Variants in RETSAT observed in about 807,000 individuals in gnomAD.
RETSAT encodes retinol saturase, also known as all-trans-retinol 13,14-reductase.
Under a neutral mutation model 61.6 loss-of-function variants are expected in RETSAT, and 35 were observed. The observed-to-expected ratio is 0.57, with a 90% CI of 0.43 to 0.75. The LOEUF is 0.75. Ranked by LOEUF, RETSAT falls within the 30% of genes least tolerant of loss-of-function variation. The pLI is 0.00. For synonymous variants in RETSAT, 277 were observed against 310.4 expected, an observed-to-expected ratio of 0.89 and a Z score of 1.13; for missense variants, 670 against 759.5, an observed-to-expected ratio of 0.88 and a Z score of 1.38.
rs769944538 is a variant in RETSAT at position 85,344,106 on chromosome 2, C to T, written c.1426G>A (p.Ala476Thr). ...TAYEWFEEWQ[A>T]ELKGKRGSDY... Reference sequence around the variant, plus strand: ...CTGCCCCGCTTTCCCTTCAGCTCCGCCTGCCACTCCTCAAACCACTCGTAG... The same window carrying T: ...CTGCCCCGCTTTCCCTTCAGCTCCGTCTGCCACTCCTCAAACCACTCGTAG... The change falls in exon 9 of 11, where the codon GCG becomes ACG. Residue 476 changes from alanine (A) to threonine (T), a missense_variant. Physicochemically the swap from Ala to Thr is moderately conservative, Grantham distance 58. Transcript: ENST00000295802. The T allele has an allele frequency of 2.1e-5, 34 of 1,614,024 alleles. No individual in the cohort carries two copies. Among genetic ancestry groups the T allele is most frequent in the Non-Finnish European group, 2.6e-5 (31 of 1,180,024 alleles).
intron 7 of RETSAT, 74 bp downstream of exon 7, chr2:85,344,520 C>T (rs1573061597): frequency 1.9e-6 from 3 of 1,575,472 alleles, no homozygotes; most frequent in Non-Finnish European, 2.6e-6. Context: ...CCTCCCATTC[C>T]ATAACCTCTG....
At chr2:85,350,266 G>C in intron 3 of RETSAT, 25 bp from the exon 4 acceptor site, 1 of 1,582,784 alleles carries the variant, frequency 6.3e-7, no homozygotes, top group Non-Finnish European at 8.7e-7. Flanking sequence ...GAGGACAGCA[G>C]GCCTCACCTC....
intron 7 of RETSAT, 39 bp from the exon 8 acceptor site, chr2:85,344,387 T>C: frequency 6.2e-7 from 1 of 1,602,362 alleles, no homozygotes; most frequent in Non-Finnish European, 8.5e-7. Flanking sequence ...TCCAGGTTTT[T>C]GTCCTCAAAA....
intron 5 of RETSAT, among the ~76,000 whole-genome samples, chr2:85,348,630 CAAAAAAAA>C (rs11400450): frequency 3.2e-4 from 14 of 43,930 alleles, no homozygotes; most frequent in African/African-American, 8.7e-4. Flanking sequence ...GACTCCAACT[CAAAAAAAA>C]AAAAAAAAAA....
intron 5 of RETSAT, among the ~76,000 whole-genome samples, chr2:85,348,939 C>T (rs1051340183): frequency 1.3e-5 from 2 of 151,416 alleles, no homozygotes; most frequent in African/African-American, 2.4e-5. Context: ...TTAGTAGAGA[C>T]GGGGTTTCAC....
rs1683304685 is a variant in RETSAT at position 85,351,853 on chromosome 2, G to A, written c.182C>T (p.Ala61Val). 1 of 1,613,288 alleles carries A rather than the reference G, an allele frequency of 6.2e-7. No individual in the cohort carries two copies. The highest frequency in any genetic ancestry group is 1.3e-5 in the African/African-American group (1 of 74,906). The change falls in exon 2 of 11, where the codon GCC (alanine) becomes GTC (valine). Residue 61 changes from alanine to valine, a missense_variant. Physicochemically the swap from Ala to Val is moderately conservative, Grantham distance 64. Coordinates refer to ENST00000295802, the MANE Select transcript of RETSAT (RefSeq NM_017750.4). ...RKKVLKQAFS[A>V]NQVPEKLDVV... is the part of the protein sequence containing the mutation. Reference sequence around the variant, plus strand: ...ATCCAGCTTCTCCGGCACTTGGTTGGCTGAAAAAGCTACAGCAGAAGGGCC... The same window carrying A: ...ATCCAGCTTCTCCGGCACTTGGTTGACTGAAAAAGCTACAGCAGAAGGGCC...
chr2:85,344,405 A>G (rs1409367749), intron 7 of RETSAT, 57 bp from the exon 8 acceptor site: 1 of 1,579,582 alleles, frequency 6.3e-7, no homozygotes, highest in African/African-American at 1.3e-5. Context: ...AAACCCCAGA[A>G]CCACTGCAAG....
intron 5 of RETSAT, among the ~76,000 whole-genome samples, chr2:85,348,805 C>T (rs796705495): frequency 1.3e-5 from 2 of 150,262 alleles, no homozygotes; most frequent in East Asian, 2.0e-4. Context: ...GGCCGGAGTG[C>T]GGTGGCGTGA....
chr2:85,344,817 C>T, intron 6 of RETSAT, 85 bp from the exon 7 acceptor site: 1 of 1,475,742 alleles, frequency 6.8e-7, no homozygotes, highest in Non-Finnish European at 9.2e-7. Flanking sequence ...GGGGTGCCAG[C>T]TCTGGCACCT....
chr2:85,352,763 T>G (rs1352211167), intron 1 of RETSAT, among the ~76,000 whole-genome samples: 1 of 152,178 alleles, frequency 6.6e-6, no homozygotes, highest in Non-Finnish European at 1.5e-5. Context: ...TTCCAGGTCC[T>G]GATGAAAAGG....
chr2:85,350,025 A>C lies in RETSAT; in HGVS notation c.799+15T>G. The C allele has an allele frequency of 1.2e-6, 2 of 1,611,606 alleles. No homozygotes were observed. Among genetic ancestry groups the C allele is most frequent in the Non-Finnish European group, 8.5e-7 (1 of 1,178,842 alleles). On this transcript the variant is annotated intron_variant, in intron 4 of 10. Transcript: ENST00000295802. The stretch of plus-strand genomic sequence containing the variant: ...CTCCTCCAGAAGCTGCCCAGAGCCC[A>C]GGCCCAGTACCCACCGTAAGTGGGG...
intron 4 of RETSAT, 41 bp from the exon 5 acceptor site, chr2:85,349,622 C>G: frequency 6.5e-7 from 1 of 1,529,894 alleles, no homozygotes; most frequent in Non-Finnish European, 9.1e-7. Context: ...CAAGAGAAGG[C>G]ACCAGCACCA....
rs1683196715 is a variant in RETSAT, at chr2:85,346,073, T to G, written c.1019A>C (p.His340Pro). 4 of 1,612,868 alleles carry G rather than the reference T, an allele frequency of 2.5e-6. No homozygotes were observed. Among genetic ancestry groups the G allele is most frequent in the Non-Finnish European group, 3.4e-6 (4 of 1,179,016 alleles). ...GGGGCAATAGATGTTCACCAGCTCA[T>G]GCCCCTTCTTCACACTGACACCTGC... is the stretch of plus-strand genomic sequence containing the variant. The part of the protein sequence containing the change: ...KACGVSVKKG[H>P]ELVNIYCPIV... Residue 340 changes from histidine to proline, a missense_variant, in exon 6 of 11, where the codon CAT (histidine) becomes CCT (proline). His to Pro is a moderately conservative substitution (Grantham distance 77). Coordinates refer to ENST00000295802, the MANE Select transcript of RETSAT (RefSeq NM_017750.4).
chr2:85,347,495 G>A (rs1056226315), intron 5 of RETSAT, among the ~76,000 whole-genome samples: 6 of 152,076 alleles, frequency 3.9e-5, no homozygotes, highest in Non-Finnish European at 7.3e-5. Flanking sequence ...CCAAAGTGCT[G>A]GGATTACAGG....
Position 85,351,667 on chromosome 2 carries a change from A to G in RETSAT, c.355+13T>C. The G allele has an allele frequency of 6.2e-7, 1 of 1,611,132 alleles. No individual in the cohort carries two copies. The highest frequency in any genetic ancestry group is 8.5e-7 in the Non-Finnish European group (1 of 1,178,030). ...ACAGCCATGCTCCCAACCCTTTTCC[A>G]CACAAGCCTTACCTGTGTCAAATTC... is the stretch of plus-strand genomic sequence containing the variant. On this transcript the variant is annotated intron_variant, in intron 2 of 10. Coordinates refer to ENST00000295802, the MANE Select transcript of RETSAT (RefSeq NM_017750.4).
rs143524103 is a variant in RETSAT, at chr2:85,353,114, G to A, written c.172+1222C>T. On this transcript the variant is annotated intron_variant, in intron 1 of 10. Coordinates refer to ENST00000295802, the MANE Select transcript of RETSAT (RefSeq NM_017750.4). ...AAGTGTCACAATGCAATACTTAGTG[G>A]AACTATGTATAATGCACTCTGATAT... Among the ~76,000 whole-genome samples the A allele has an allele frequency of 1.3e-5, 2 of 152,310 alleles. 1 individual carries two copies. The highest frequency in any genetic ancestry group is 3.9e-4 in the East Asian group (2 of 5,190).
chr2:85,351,679 C>T lies in RETSAT; in HGVS notation c.355+1G>A, dbSNP rs1683301577. On this transcript the variant is annotated splice_donor_variant, in intron 2 of 10. Transcript: ENST00000295802. LOFTEE classifies it high-confidence loss of function. ...CCAACCCTTTTCCACACAAGCCTTA[C>T]CTGTGTCAAATTCAAGGCCATTCTT... The T allele has an allele frequency of 6.2e-7, 1 of 1,613,488 alleles. No homozygotes were observed. The highest frequency in any genetic ancestry group is 8.5e-7 in the Non-Finnish European group (1 of 1,179,656).
chr2:85,345,718 C>T (rs575276810), intron 6 of RETSAT: 1 of 590,976 alleles, frequency 1.7e-6, no homozygotes. Flanking sequence ...TCAAATCAGA[C>T]CAGCTACTCT....
chr2:85,345,785 G>A, intron 6 of RETSAT, 190 bp downstream of exon 6: 1 of 752,332 alleles, frequency 1.3e-6, no homozygotes, highest in South Asian at 1.4e-5. Context: ...ATCTGTATGG[G>A]CCTCAGTTTC....
Sources: allele counts gnomAD v4.1 joint callset (sites outside exome capture counted in the v4.1 genomes callset), GRCh38; gene constraint gnomAD v4.1.1; transcripts MANE v1.5; gene names NCBI Gene and HGNC (gene_info 2026-07-23, HGNC 2026-07-21).